FAM193A: variants seen among roughly 807,000 people sequenced by gnomAD.
FAM193A encodes protein FAM193A.
Under a neutral mutation model 126.5 loss-of-function variants are expected in FAM193A, and 22 were observed. The observed-to-expected ratio is 0.17, with a 90% CI of 0.12 to 0.25. The LOEUF (loss-of-function observed/expected upper bound fraction) is 0.25. Ranked by LOEUF, FAM193A falls within the 10% of genes least tolerant of loss-of-function variation. The pLI, the probability that FAM193A is intolerant of heterozygous loss-of-function variation, is 1.00. For synonymous variants in FAM193A, 761 were observed against 646.8 expected (o/e 1.18, Z -2.68); for missense variants, 1,675 against 1,672.8 (o/e 1.00, Z -0.02).
chr4:2,573,862 G>T (rs1046680110), intron 1 of FAM193A, among the ~76,000 whole-genome samples: 1 of 152,084 alleles, frequency 6.6e-6, no homozygotes. Context: ...GGTGCACCCG[G>T]CTCTTTGTTT....
At chr4:2,609,531 G>C (rs1741733652) in intron 2 of FAM193A, among the ~76,000 whole-genome samples, 2 of 152,178 alleles carry the variant, frequency 1.3e-5, no homozygotes, top group South Asian at 4.1e-4. Flanking sequence ...TAAAATGTAA[G>C]TTGCATTTTA....
chr4:2,592,250 G>A (rs1164936505), intron 1 of FAM193A, among the ~76,000 whole-genome samples: 1 of 152,002 alleles, frequency 6.6e-6, no homozygotes, highest in African/African-American at 2.4e-5. Context: ...CACCACACCC[G>A]GCTAATTTTT....
chr4:2,730,403 C>T (rs1267344725), intron 20 of FAM193A, among the ~76,000 whole-genome samples: 7 of 152,120 alleles, frequency 4.6e-5, no homozygotes, highest in Non-Finnish European at 1.5e-5. Flanking sequence ...ATAAAAGCTT[C>T]TTGGAGGCCG....
upstream of FAM193A, chr4:2,536,527 G>A (rs1736878918): frequency 7.3e-6 from 1 of 137,896 alleles, no homozygotes; most frequent in African/African-American, 2.6e-5. Context: ...GGAGGGGGTG[G>A]GCAAGCAAAG....
intron 2 of FAM193A, among the ~76,000 whole-genome samples, chr4:2,603,262 G>A (rs1173685838): frequency 1.4e-5 from 2 of 145,758 alleles, no homozygotes; most frequent in African/African-American, 5.1e-5. Context: ...GGGATTATAG[G>A]TGTGAGCCAC....
At chr4:2,670,432 CTATT>C (rs1202661904) in intron 12 of FAM193A, among the ~76,000 whole-genome samples, 1 of 152,084 alleles carries the variant, frequency 6.6e-6, no homozygotes, top group Non-Finnish European at 1.5e-5. Context: ...AACCGTTTGA[CTATT>C]TATTTCCTGC....
chr4:2,546,121 C>T (rs1419855123), intron 1 of FAM193A, among the ~76,000 whole-genome samples: 1 of 151,514 alleles, frequency 6.6e-6, no homozygotes, highest in Non-Finnish European at 1.5e-5. Flanking sequence ...GCACTCCAGC[C>T]TGGGGGACAG....
intron 1 of FAM193A, among the ~76,000 whole-genome samples, chr4:2,544,673 C>T (rs1737441684): frequency 6.6e-6 from 1 of 151,848 alleles, no homozygotes; most frequent in Non-Finnish European, 1.5e-5. Flanking sequence ...CACTGCACTC[C>T]AGACTGGGTG....
At chr4:2,703,722 G>T (rs13137721) in intron 19 of FAM193A, among the ~76,000 whole-genome samples, 4,805 of 151,856 alleles carry the variant, frequency 0.032, 96 homozygotes, top group South Asian at 0.069. Flanking sequence ...CCAACACTTT[G>T]GGAAGCTGAG....
At chr4:2,631,191 T>G in intron 5 of FAM193A, 22 bp downstream of exon 5, 1 of 1,584,074 alleles carries the variant, frequency 6.3e-7, no homozygotes, top group Non-Finnish European at 8.6e-7. Context: ...AACGTGTTTT[T>G]CTTTCTGTTT....
At chr4:2,720,614 G>C (rs2109394067) in intron 20 of FAM193A, among the ~76,000 whole-genome samples, 1 of 149,730 alleles carries the variant, frequency 6.7e-6, no homozygotes, top group African/African-American at 2.5e-5. Context: ...ATGCACCACT[G>C]TGCTCCAGCT....
In FAM193A at chr4:2,716,359, C is replaced by T. The variant is rs571878019; in HGVS notation, c.4454+255C>T. ...ATAGTTGATGGCAGTGGCTTCCCCC[C>T]CACCCTTCCCCGCCAACTGGCTGTT... is the stretch of plus-strand genomic sequence containing the variant. On this transcript the variant is annotated intron_variant, in intron 20 of 20. Coordinates refer to ENST00000637812, the MANE Select transcript of FAM193A (RefSeq NM_001366318.2). Among the ~76,000 whole-genome samples the T allele has an allele frequency of 3.9e-5, 6 of 152,310 alleles. No homozygotes were observed. In the South Asian group the frequency reaches 8.3e-4, roughly 21 times the overall value.
intron 13 of FAM193A, among the ~76,000 whole-genome samples, chr4:2,686,112 C>T (rs1189525336): frequency 5.3e-5 from 8 of 152,084 alleles, no homozygotes; most frequent in Non-Finnish European, 1.2e-4. Flanking sequence ...TGAAAGAAAT[C>T]CATAAGCTAT....
chr4:2,556,630 T>C (rs1280843629), intron 1 of FAM193A, among the ~76,000 whole-genome samples: 3 of 152,186 alleles, frequency 2.0e-5, no homozygotes, highest in Admixed American at 6.6e-5. Flanking sequence ...TGCAGTGAGC[T>C]GTGATCATGC....
chr4:2,595,054 CTTT>C (rs965402007), intron 1 of FAM193A, among the ~76,000 whole-genome samples: 1 of 143,590 alleles, frequency 7.0e-6, no homozygotes. Flanking sequence ...ATTTTTCTTT[CTTT>C]TTTTTTTTTG....
At chr4:2,653,749 G>GGCTGTCTTGTGAAGAAAC (rs1304066944) in intron 7 of FAM193A, among the ~76,000 whole-genome samples, 2 of 152,174 alleles carry the variant, frequency 1.3e-5, no homozygotes, top group Non-Finnish European at 2.9e-5. Flanking sequence ...GCCAGGAGAT[G>GGCTGTCTTGTGAAGAAAC]CATTTTTATT....
chr4:2,539,526 C>G (rs531470419), intron 1 of FAM193A, among the ~76,000 whole-genome samples: 1 of 152,130 alleles, frequency 6.6e-6, no homozygotes, highest in East Asian at 2.0e-4. Flanking sequence ...GCTAAGCAGT[C>G]CTTCCATGTA....
intron 1 of FAM193A, among the ~76,000 whole-genome samples, chr4:2,550,683 A>G (rs74849443): frequency 6.9e-6 from 1 of 145,378 alleles, no homozygotes; most frequent in African/African-American, 2.5e-5. Context: ...TGATCTGCCC[A>G]CCTCGGCCTC....
At chr4:2,641,237 G>T (rs1358774969) in intron 6 of FAM193A, among the ~76,000 whole-genome samples, 7 of 151,286 alleles carry the variant, frequency 4.6e-5, no homozygotes, top group African/African-American at 7.3e-5. Flanking sequence ...AGTAGAGACG[G>T]GGTTTCACCA....
Sources: allele counts gnomAD v4.1 joint callset (sites outside exome capture counted in the v4.1 genomes callset), GRCh38; gene constraint gnomAD v4.1.1; transcripts MANE v1.5; gene names NCBI Gene and HGNC (gene_info 2026-07-23, HGNC 2026-07-21).